The following MICAL2 variants were observed in gnomAD, a reference collection of about 807,000 sequenced individuals.
The protein encoded by MICAL2 is [F-actin]-monooxygenase MICAL2.
In MICAL2, 77 loss-of-function variants were observed where a neutral mutation model predicts 127.3. The ratio of observed to expected loss-of-function variants is 0.60; its 90% CI spans 0.50 to 0.73. The LOEUF is 0.73. Ranked by LOEUF, MICAL2 falls within the 30% of genes least tolerant of loss-of-function variation. The probability of loss-of-function intolerance (pLI) is 0.00; values close to 1 mark genes in which losing one functional copy is unlikely to be tolerated. For missense variants in MICAL2, 1,351 were observed against 1,434.4 expected (o/e 0.94, Z 0.94); for synonymous variants, 570 against 551.1 (o/e 1.03, Z -0.48).
At chr11:12,155,810 T>C (rs1590105588) in intron 2 of MICAL2, among the ~76,000 whole-genome samples, 1 of 152,202 alleles carries the variant, frequency 6.6e-6, no homozygotes, top group East Asian at 1.9e-4. Context: ...CCTGATGACG[T>C]TGGCTTCCTT....
chr11:12,208,646 C>T (rs775679563), intron 5 of MICAL2, among the ~76,000 whole-genome samples: 4 of 152,284 alleles, frequency 2.6e-5, no homozygotes, highest in Non-Finnish European at 5.9e-5. Flanking sequence ...GATATTTGCC[C>T]GTATAGGCAT....
At chr11:12,157,910 C>T (rs1854366425) in intron 2 of MICAL2, among the ~76,000 whole-genome samples, 1 of 152,124 alleles carries the variant, frequency 6.6e-6, no homozygotes, top group Non-Finnish European at 1.5e-5. Context: ...ATGAGGTTCC[C>T]TAGTTATACA....
exon 35 of MICAL2, chr11:12,358,315 G>T (rs533605903): frequency 6.2e-7 from 1 of 1,614,016 alleles, no homozygotes; most frequent in Non-Finnish European, 8.5e-7. Context: ...AGATGAGAAG[G>T]ATCTAAACGA....
intron 29 of MICAL2, among the ~76,000 whole-genome samples, chr11:12,304,421 G>T (rs2134810657): frequency 6.6e-6 from 1 of 152,024 alleles, no homozygotes; most frequent in Non-Finnish European, 1.5e-5. Context: ...ACCTGAGGTG[G>T]GCAGTTTGAG....
At position 12,251,931 on chromosome 11, in the gene MICAL2, T is replaced by G. The variant is rs535922096; in HGVS notation, c.2847+2685T>G. Among the ~76,000 whole-genome samples the G allele has an allele frequency of 3.3e-5, 5 of 152,346 alleles. No homozygotes were observed. In the East Asian group the frequency reaches 9.6e-4, roughly 29 times the overall value. ...TTTGTATTAAAAGCTCCAAAAAGTA[T>G]AGTCTCTGCTTACTCAGGGGAGGCA... On this transcript the variant is annotated intron_variant, in intron 22 of 27. Transcript: ENST00000683283.
chr11:12,222,761 GCT>G lies in MICAL2; in HGVS notation c.1449+21_1449+22del, dbSNP rs1856973869. 1.9e-6 allele frequency: 3 copies of G among 1,613,930 alleles called. No homozygotes were observed. Among genetic ancestry groups the G allele is most frequent in the Non-Finnish European group, 2.5e-6 (3 of 1,179,984 alleles). On this transcript the variant is annotated intron_variant, in intron 11 of 27. Transcript: ENST00000683283. ...CCCATCAGGCAAGTCCATTGCTGGG[GCT>G]CTGTCTGAATCACTCTGCACTGAAC...
At chr11:12,221,545 C>A in intron 9 of MICAL2, 99 bp from the exon 10 acceptor site, 1 of 809,990 alleles carries the variant, frequency 1.2e-6, no homozygotes, top group Non-Finnish European at 2.1e-6. Context: ...CCCTCCAGTG[C>A]CCTGCACAGT....
At chr11:12,294,652 T>C (rs267602744), downstream of MICAL2, 6 of 1,614,210 alleles carry the variant, frequency 3.7e-6, no homozygotes, top group Non-Finnish European at 4.2e-6. Flanking sequence ...ACAAATCTTT[T>C]GAGAGTTTCC....
chr11:12,175,585 CTG>C (rs71313462), intron 3 of MICAL2, among the ~76,000 whole-genome samples: 38 of 149,432 alleles, frequency 2.5e-4, no homozygotes, highest in Non-Finnish European at 4.0e-4. Flanking sequence ...TGTGGGGAGT[CTG>C]TGTGTGTGTG....
At chr11:12,190,573 T>A (rs1444382743) in intron 3 of MICAL2, among the ~76,000 whole-genome samples, 3 of 152,234 alleles carry the variant, frequency 2.0e-5, no homozygotes, top group African/African-American at 7.2e-5. Context: ...CAGAATAAGT[T>A]GTTTCACAGA....
In MICAL2 at chr11:12,152,060, G is replaced by C. The variant is rs199945720; in HGVS notation, c.-77-10019G>C. Among the ~76,000 whole-genome samples the C allele has an allele frequency of 2.8e-4, 42 of 151,636 alleles. 1 individual carries two copies. The East Asian group carries it at 5.8e-3, about 21-fold the overall frequency. On this transcript the variant is annotated intron_variant, in intron 2 of 27. Transcript: ENST00000683283. ...TCCAGCACTTTGGGAGGCCGAGGAGGGTGGATCACTTGAGGCCAGGAGTTT... is the reference window on the plus strand; with the variant it reads ...TCCAGCACTTTGGGAGGCCGAGGAGCGTGGATCACTTGAGGCCAGGAGTTT...
At chr11:12,180,175 C>A (rs539628167) in intron 3 of MICAL2, among the ~76,000 whole-genome samples, 1 of 152,006 alleles carries the variant, frequency 6.6e-6, no homozygotes, top group Non-Finnish European at 1.5e-5. Context: ...GTCTACTTGG[C>A]CTTTTTCAGA....
At chr11:12,234,302 C>CCA (rs60686378) in intron 15 of MICAL2, among the ~76,000 whole-genome samples, 2 of 136,400 alleles carry the variant, frequency 1.5e-5, no homozygotes, top group African/African-American at 5.3e-5. Context: ...AGGTAGAAAC[C>CCA]AAAAAAAAAA....
At chr11:12,336,883 G>A (rs10831793) in intron 32 of MICAL2, among the ~76,000 whole-genome samples, 105,397 of 151,318 alleles carry the variant, frequency 0.7, 37,002 homozygotes, top group Middle Eastern at 0.75. Context: ...TTTTGCATCA[G>A]TGTTCATCAA....
intron 25 of MICAL2, 127 bp from the exon 26 acceptor site, chr11:12,259,668 G>A: frequency 1.2e-6 from 1 of 827,134 alleles, no homozygotes; most frequent in Admixed American, 3.4e-5. Context: ...TGAGTCGGGG[G>A]GCTGAGATTA....
chr11:12,305,544 T>C (rs1864099467), intron 29 of MICAL2, among the ~76,000 whole-genome samples: 1 of 152,190 alleles, frequency 6.6e-6, no homozygotes, highest in East Asian at 1.9e-4. Flanking sequence ...ATTTAACTTA[T>C]AAATTACCAC....
intron 1 of MICAL2, among the ~76,000 whole-genome samples, chr11:12,130,453 C>A (rs1366258555): frequency 6.6e-6 from 1 of 152,222 alleles, no homozygotes; most frequent in Non-Finnish European, 1.5e-5. Flanking sequence ...GCAAATGATC[C>A]TTCTAGCCAA....
At chr11:12,234,222 C>T (rs1320148847) in intron 15 of MICAL2, among the ~76,000 whole-genome samples, 1 of 152,074 alleles carries the variant, frequency 6.6e-6, no homozygotes, top group Non-Finnish European at 1.5e-5. Context: ...ACAGTCCCAC[C>T]CTGGGCTTGT....
intron 27 of MICAL2, 53 bp downstream of exon 27, chr11:12,262,590 T>A: frequency 6.9e-7 from 1 of 1,453,306 alleles, no homozygotes; most frequent in Non-Finnish European, 9.7e-7. Flanking sequence ...CCCAACCCGC[T>A]TTCCGCACCC....
Sources: gnomAD v4.1 joint callset for allele counts (sites outside exome capture counted in the v4.1 genomes callset) on GRCh38, gnomAD v4.1.1 for gene constraint, MANE v1.5 for transcripts, NCBI Gene and HGNC (gene_info 2026-07-23, HGNC 2026-07-21) for gene names.